Variants in PDE4D observed in about 807,000 individuals in gnomAD.
The protein encoded by PDE4D is phosphodiesterase 4D.
Under a neutral mutation model 87.4 loss-of-function variants are expected in PDE4D, and 24 were observed. The observed-to-expected ratio is 0.27, with a 90% confidence interval of 0.20 to 0.39. PDE4D has a LOEUF of 0.39. Among genes scored for constraint, PDE4D ranks in the 10% least tolerant of loss-of-function variants. The probability of loss-of-function intolerance (pLI) is 1.00; values close to 1 mark genes in which losing one functional copy is unlikely to be tolerated. For missense variants in PDE4D, 714 were observed against 1,041.0 expected, an observed-to-expected ratio of 0.69 and a Z score of 4.32; for synonymous variants, 384 against 383.2, an observed-to-expected ratio of 1.00 and a Z score of -0.02.
chr5:59,927,132 G>A (rs1472024009), intron 3 of PDE4D, among the ~76,000 whole-genome samples: 1 of 152,186 alleles, frequency 6.6e-6, no homozygotes, highest in Non-Finnish European at 1.5e-5. Context: ...GCATTTGAGT[G>A]TTTGAGCTGC....
At chr5:60,394,054 A>G (rs1762724210) in intron 1 of PDE4D, among the ~76,000 whole-genome samples, 1 of 152,202 alleles carries the variant, frequency 6.6e-6, no homozygotes, top group Non-Finnish European at 1.5e-5. Flanking sequence ...CTAATTAGCA[A>G]AAGATGAAAT....
intron 1 of PDE4D, among the ~76,000 whole-genome samples, chr5:60,268,851 C>T (rs1750513958): frequency 6.6e-6 from 1 of 152,202 alleles, no homozygotes; most frequent in South Asian, 2.1e-4. Context: ...AACTAAATAA[C>T]TTACAAGCTT....
intron 1 of PDE4D, among the ~76,000 whole-genome samples, chr5:59,654,083 G>A (rs1743973073): frequency 6.6e-6 from 1 of 152,186 alleles, no homozygotes. Context: ...CCATGCACTT[G>A]TATTCCCAGC....
At chr5:60,102,671 G>A (rs1030790946) in intron 2 of PDE4D, among the ~76,000 whole-genome samples, 1 of 152,076 alleles carries the variant, frequency 6.6e-6, no homozygotes, top group African/African-American at 2.4e-5. Flanking sequence ...AAAGGATAGA[G>A]ATTACCCAGA....
At chr5:59,510,989 C>T (rs1168049323) in intron 1 of PDE4D, among the ~76,000 whole-genome samples, 1 of 151,760 alleles carries the variant, frequency 6.6e-6, no homozygotes, top group Non-Finnish European at 1.5e-5. Context: ...TGATGCAAGA[C>T]AAAATAAAAT....
chr5:59,915,797 A>C (rs554506091), intron 3 of PDE4D, among the ~76,000 whole-genome samples: 1 of 152,186 alleles, frequency 6.6e-6, no homozygotes, highest in African/African-American at 2.4e-5. Context: ...ATTTTCATTT[A>C]TTTAGAACAC....
At chr5:59,156,304 T>C in intron 5 of PDE4D, among the ~76,000 whole-genome samples, 1 of 61,684 alleles carries the variant, frequency 1.6e-5, no homozygotes, top group Non-Finnish European at 3.4e-5. Context: ...ACTAGAGACT[T>C]GCCAGAAAAA....
intron 1 of PDE4D, among the ~76,000 whole-genome samples, chr5:59,612,265 GA>G: frequency 6.6e-6 from 1 of 150,404 alleles, no homozygotes; most frequent in African/African-American, 2.4e-5. Flanking sequence ...TTTAGATTTG[GA>G]AAAAAATTAC....
intron 1 of PDE4D, among the ~76,000 whole-genome samples, chr5:59,458,656 C>T (rs1184792654): frequency 6.6e-6 from 1 of 152,194 alleles, no homozygotes; most frequent in Non-Finnish European, 1.5e-5. Context: ...TAAAAACAAA[C>T]CCAGATTGGT....
chr5:60,194,764 C>T (rs528560493), intron 1 of PDE4D, among the ~76,000 whole-genome samples: 19 of 151,728 alleles, frequency 1.3e-4, no homozygotes, highest in African/African-American at 4.3e-4. Context: ...GGGTCTACCA[C>T]TACCACAGTC....
At chr5:59,178,817 T>C (rs1379521019) in intron 5 of PDE4D, among the ~76,000 whole-genome samples, 1 of 152,214 alleles carries the variant, frequency 6.6e-6, no homozygotes, top group East Asian at 1.9e-4. Context: ...TCTTGCTTAT[T>C]GCAAAATTGG....
At chr5:59,665,716 T>C (rs931560900) in intron 1 of PDE4D, among the ~76,000 whole-genome samples, 4 of 152,220 alleles carry the variant, frequency 2.6e-5, no homozygotes, top group Admixed American at 6.5e-5. Flanking sequence ...GTAGGGCCTT[T>C]GGGAGGTAAT....
At chr5:59,328,282 A>T (rs1352874927) in intron 1 of PDE4D, among the ~76,000 whole-genome samples, 3 of 152,108 alleles carry the variant, frequency 2.0e-5, no homozygotes, top group African/African-American at 7.2e-5. Flanking sequence ...CACATCTGTA[A>T]AAAGGGGGTA....
At chr5:59,394,261 G>A (rs1240462353) in intron 1 of PDE4D, among the ~76,000 whole-genome samples, 3 of 152,186 alleles carry the variant, frequency 2.0e-5, no homozygotes, top group African/African-American at 7.2e-5. Context: ...CATTATGCAG[G>A]TTGCTCATCC....
chr5:60,006,609 C>T (rs1391524686), intron 2 of PDE4D, among the ~76,000 whole-genome samples: 2 of 151,858 alleles, frequency 1.3e-5, no homozygotes, highest in African/African-American at 4.8e-5. Flanking sequence ...GAGATAGACG[C>T]TTGTATACTC....
At chr5:59,279,379 T>C (rs1178698019) in intron 1 of PDE4D, among the ~76,000 whole-genome samples, 1 of 152,102 alleles carries the variant, frequency 6.6e-6, no homozygotes, top group Non-Finnish European at 1.5e-5. Context: ...ATTTTCCTTA[T>C]CTGGAGGGGA....
At chr5:59,287,997 A>G (rs1401732630) in intron 1 of PDE4D, among the ~76,000 whole-genome samples, 1 of 152,132 alleles carries the variant, frequency 6.6e-6, no homozygotes, top group Non-Finnish European at 1.5e-5. Flanking sequence ...CAAGAAGGAC[A>G]GGTACAAACA....
intron 1 of PDE4D, among the ~76,000 whole-genome samples, chr5:60,480,062 T>C (rs73759068): frequency 0.015 from 2,332 of 152,236 alleles, 65 homozygotes; most frequent in African/African-American, 0.054. Flanking sequence ...TCTGGGCCAG[T>C]TAGTGCAGGG....
intron 2 of PDE4D, among the ~76,000 whole-genome samples, chr5:60,155,341 ATTGAGCCCCT>A (rs1781873351): frequency 1.3e-5 from 2 of 152,108 alleles, no homozygotes; most frequent in African/African-American, 4.8e-5. Context: ...CAATGATTAG[ATTGAGCCCCT>A]TTTTATATGC....
Sources: allele counts gnomAD v4.1 joint callset (sites outside exome capture counted in the v4.1 genomes callset), GRCh38; gene constraint gnomAD v4.1.1; transcripts MANE v1.5; gene names NCBI Gene and HGNC (gene_info 2026-07-23, HGNC 2026-07-21).